Variants in PCDHA1 observed in about 807,000 individuals in gnomAD.
PCDHA1 encodes protocadherin alpha-1.
In PCDHA1, 42 loss-of-function variants were observed where a neutral mutation model predicts 61.3. That is an observed-to-expected ratio of 0.69 (90% CI 0.54 to 0.89). The LOEUF is 0.89. Ranked by LOEUF, PCDHA1 falls within the 40% of genes least tolerant of loss-of-function variation. The pLI is 0.00. For synonymous variants in PCDHA1, 610 were observed against 553.8 expected (o/e 1.10, Z -1.43); for missense variants, 1,256 against 1,235.3 (o/e 1.02, Z -0.25).
rs1554244374 is a variant in PCDHA1 at position 140,982,509 on chromosome 5, GC to G, written c.2489del (p.Ala830ValfsTer85). ...VHLEEAGILR[A>X]GPGGPDQQWP... is the part of the protein sequence containing the mutation. ...CCTAGAGGAGGCTGGCATTCTACGGGCTGGTCCAGGAGGGCCTGATCAGCAG... is the reference window on the plus strand; with the variant it reads ...CCTAGAGGAGGCTGGCATTCTACGGGTGGTCCAGGAGGGCCTGATCAGCAG... On this transcript the variant is annotated frameshift_variant, in exon 3 of 4. Transcript: ENST00000504120. LOFTEE classifies it high-confidence loss of function. 6.2e-7 allele frequency: 1 copy of G among 1,614,206 alleles called. No homozygotes were observed. Among genetic ancestry groups the G allele is most frequent in the Non-Finnish European group, 8.5e-7 (1 of 1,180,032 alleles).
At chr5:140,807,825 C>T (rs562041682) in intron 1 of PCDHA1, 2 of 1,614,184 alleles carry the variant, frequency 1.2e-6, no homozygotes, top group Middle Eastern at 1.6e-4. Context: ...TTAGTGCTCA[C>T]AGCCACTGAT....
At chr5:140,917,397 C>T (rs1606123) in intron 1 of PCDHA1, among the ~76,000 whole-genome samples, 6,084 of 150,666 alleles carry the variant, frequency 0.04, 137 homozygotes, top group Non-Finnish European at 0.052. Context: ...TGTGCAGAAG[C>T]TCTTTAGTTT....
At chr5:140,884,175 C>T in intron 1 of PCDHA1, 1 of 1,613,438 alleles carries the variant, frequency 6.2e-7, no homozygotes, top group Non-Finnish European at 8.5e-7. Context: ...ACGACGCGCC[C>T]TCTGGACGAG....
At chr5:141,001,451 A>T (rs2098018648) in intron 3 of PCDHA1, among the ~76,000 whole-genome samples, 1 of 152,310 alleles carries the variant, frequency 6.6e-6, no homozygotes, top group African/African-American at 2.4e-5. Flanking sequence ...TTCCACTGTC[A>T]ATTGAAGGAC....
At chr5:140,918,694 T>C (rs1260893633) in intron 1 of PCDHA1, among the ~76,000 whole-genome samples, 2 of 152,186 alleles carry the variant, frequency 1.3e-5, no homozygotes, top group Non-Finnish European at 2.9e-5. Flanking sequence ...CAAACATAAT[T>C]AAGTCATGAG....
At chr5:140,859,469 A>G in intron 1 of PCDHA1, 1 of 211,582 alleles carries the variant, frequency 4.7e-6, no homozygotes, top group Non-Finnish European at 9.2e-6. Context: ...CTACACTATC[A>G]ATTGTGTTTT....
chr5:140,945,850 T>G (rs1472612975), intron 1 of PCDHA1, among the ~76,000 whole-genome samples: 1 of 152,102 alleles, frequency 6.6e-6, no homozygotes, highest in Non-Finnish European at 1.5e-5. Context: ...ATTAAAGACT[T>G]AAACATAGAC....
intron 3 of PCDHA1, among the ~76,000 whole-genome samples, chr5:140,983,182 C>T (rs782457174): frequency 6.6e-6 from 1 of 152,188 alleles, no homozygotes; most frequent in Non-Finnish European, 1.5e-5. Flanking sequence ...CTCACAATTT[C>T]TTAGTTTAGA....
chr5:140,919,455 ATGT>A (rs2079137711), intron 1 of PCDHA1, among the ~76,000 whole-genome samples: 1 of 152,118 alleles, frequency 6.6e-6, no homozygotes, highest in Admixed American at 6.5e-5. Flanking sequence ...TATTCACATG[ATGT>A]TACTATTGAT....
At chr5:140,914,670 C>T (rs554633450) in intron 1 of PCDHA1, among the ~76,000 whole-genome samples, 85 of 152,088 alleles carry the variant, frequency 5.6e-4, no homozygotes, top group African/African-American at 2.0e-3. Context: ...TCTTCTTTTT[C>T]ATGAAAATAA....
intron 1 of PCDHA1, among the ~76,000 whole-genome samples, chr5:140,873,279 A>G (rs1292548146): frequency 6.6e-6 from 1 of 152,200 alleles, no homozygotes; most frequent in African/African-American, 2.4e-5. Flanking sequence ...CCATCATACC[A>G]CTTATGAAAC....
At chr5:140,912,010 G>A (rs1208180595) in intron 1 of PCDHA1, among the ~76,000 whole-genome samples, 1 of 152,202 alleles carries the variant, frequency 6.6e-6, no homozygotes. Flanking sequence ...CCATCTGCAA[G>A]CTGAGGAGCA....
intron 2 of PCDHA1, among the ~76,000 whole-genome samples, chr5:140,981,575 A>G (rs2096938835): frequency 1.3e-5 from 2 of 152,152 alleles, no homozygotes; most frequent in African/African-American, 4.8e-5. Flanking sequence ...CTTTGTCTCA[A>G]AAATAAATAA....
In PCDHA1 at chr5:141,010,089, G is replaced by A. The variant is rs1588251277; in HGVS notation, c.*152G>A. 3.7e-6 allele frequency: 6 copies of A among 1,612,294 alleles called. No individual in the cohort carries two copies. The highest frequency in any genetic ancestry group is 5.1e-6 in the Non-Finnish European group (6 of 1,179,138). ...AAAGTTCCCTGTGTCTGTCTAGAAC[G>A]CATTTAACAGGTTTTGTCGTAAAAG... On this transcript the variant is annotated 3_prime_UTR_variant, in exon 4 of 4. Transcript: ENST00000504120.
At chr5:140,924,188 T>A (rs2081715328) in intron 1 of PCDHA1, among the ~76,000 whole-genome samples, 1 of 152,146 alleles carries the variant, frequency 6.6e-6, no homozygotes, top group African/African-American at 2.4e-5. Flanking sequence ...AGAAAATTAG[T>A]TTTGGTTTAG....
intron 1 of PCDHA1, chr5:140,830,424 C>T (rs1771055440): frequency 6.2e-7 from 1 of 1,613,928 alleles, no homozygotes; most frequent in Non-Finnish European, 8.5e-7. Context: ...AGCCTTTCAC[C>T]TTGTCCTATT....
In PCDHA1 at chr5:140,787,542, C is replaced by G. The variant is rs1554117861; in HGVS notation, c.1252C>G (p.Leu418Val). 1.5e-5 allele frequency: 24 copies of G among 1,614,110 alleles called. No homozygotes were observed. In the Middle Eastern group the frequency reaches 4.9e-4, roughly 33 times the overall value. ...VLDSALDRES[L>V]SVYELVVTAR... ...GGACAGCGCCCTGGATCGCGAGAGC[C>G]TGTCGGTCTATGAGCTGGTGGTGAC... Residue 418 changes from leucine (L) to valine (V), a missense_variant, in exon 1 of 4, where the codon CTG (leucine) becomes GTG (valine). Coordinates refer to ENST00000504120, the MANE Select transcript of PCDHA1 (RefSeq NM_018900.4).
intron 1 of PCDHA1, chr5:140,841,202 A>AT: frequency 7.6e-7 from 1 of 1,311,932 alleles, no homozygotes; most frequent in East Asian, 2.4e-5. Context: ...CTCTGACAGC[A>AT]TCTGTCTCTA....
chr5:140,843,381 T>C, intron 1 of PCDHA1: 1 of 1,596,090 alleles, frequency 6.3e-7, no homozygotes. Flanking sequence ...GCTGGCGTTT[T>C]GGGTCCGGAA....
Sources: allele counts gnomAD v4.1 joint callset (sites outside exome capture counted in the v4.1 genomes callset), GRCh38; gene constraint gnomAD v4.1.1; transcripts MANE v1.5; gene names NCBI Gene and HGNC (gene_info 2026-07-23, HGNC 2026-07-21).